ST6GALNAC3: variants seen among roughly 807,000 people sequenced by gnomAD.
The protein encoded by ST6GALNAC3 is ST6 N-acetylgalactosaminide alpha-2,6-sialyltransferase 3, also known as alpha-N-acetylgalactosaminide alpha-2,6-sialyltransferase 3.
Under a neutral mutation model 32.7 loss-of-function variants are expected in ST6GALNAC3, and 25 were observed. That is an observed-to-expected ratio of 0.76 (90% CI 0.56 to 1.07). The LOEUF (loss-of-function observed/expected upper bound fraction) is 1.07. Among genes scored for constraint, ST6GALNAC3 ranks in the 50% least tolerant of loss-of-function variants. The pLI, the probability that ST6GALNAC3 is intolerant of heterozygous loss-of-function variation, is 0.00. For missense variants in ST6GALNAC3, 355 were observed against 382.4 expected (o/e 0.93, Z 0.60); for synonymous variants, 129 against 133.1 (o/e 0.97, Z 0.21).
At chr1:76,366,393 G>A (rs1650375460) in intron 2 of ST6GALNAC3, among the ~76,000 whole-genome samples, 1 of 152,038 alleles carries the variant, frequency 6.6e-6, no homozygotes, top group South Asian at 2.1e-4. Flanking sequence ...TAGATTCTAA[G>A]TGCAAAAAAT....
chr1:76,157,424 C>G (rs1183445834), intron 1 of ST6GALNAC3, among the ~76,000 whole-genome samples: 1 of 152,176 alleles, frequency 6.6e-6, no homozygotes, highest in Non-Finnish European at 1.5e-5. Flanking sequence ...GTAGCAGTAT[C>G]AAAATTGTTA....
chr1:76,215,361 A>G (rs567250), intron 1 of ST6GALNAC3, among the ~76,000 whole-genome samples: 26,180 of 152,216 alleles, frequency 0.17, 2,396 homozygotes, highest in Middle Eastern at 0.23. Flanking sequence ...TTTAGATTTT[A>G]GCAATAGGAA....
At chr1:76,483,930 T>C (rs935833990) in intron 3 of ST6GALNAC3, among the ~76,000 whole-genome samples, 3 of 152,242 alleles carry the variant, frequency 2.0e-5, no homozygotes, top group African/African-American at 7.2e-5. Flanking sequence ...AGTTTCAGCT[T>C]TCTACATACG....
chr1:76,207,477 C>T (rs1385087687), intron 1 of ST6GALNAC3, among the ~76,000 whole-genome samples: 1 of 152,236 alleles, frequency 6.6e-6, no homozygotes, highest in Non-Finnish European at 1.5e-5. Context: ...AAGAAGTTTA[C>T]TTAGCTCACA....
chr1:76,553,640 G>T (rs1664758138), intron 3 of ST6GALNAC3, among the ~76,000 whole-genome samples: 1 of 151,814 alleles, frequency 6.6e-6, no homozygotes, highest in African/African-American at 2.4e-5. Context: ...AAATGTGTCT[G>T]CTCTTATTCC....
At chr1:76,603,478 A>G (rs902759789) in intron 3 of ST6GALNAC3, among the ~76,000 whole-genome samples, 2 of 152,226 alleles carry the variant, frequency 1.3e-5, no homozygotes, top group Non-Finnish European at 1.5e-5. Flanking sequence ...AGGAATACAT[A>G]CAAAATGATG....
At chr1:76,624,761 G>C (rs901140785) in intron 3 of ST6GALNAC3, among the ~76,000 whole-genome samples, 5 of 151,830 alleles carry the variant, frequency 3.3e-5, no homozygotes, top group African/African-American at 4.8e-5. Context: ...GGGAATCATG[G>C]AGTTCTCCCC....
intron 1 of ST6GALNAC3, among the ~76,000 whole-genome samples, chr1:76,102,149 G>C (rs1647249705): frequency 6.6e-6 from 1 of 151,866 alleles, no homozygotes; most frequent in African/African-American, 2.4e-5. Flanking sequence ...CATATACCTA[G>C]TAAGACTTTC....
intron 1 of ST6GALNAC3, among the ~76,000 whole-genome samples, chr1:76,174,265 A>G (rs1371186938): frequency 6.6e-6 from 1 of 152,190 alleles, no homozygotes. Flanking sequence ...GGAGCTGAAC[A>G]TTGTGAATAC....
intron 1 of ST6GALNAC3, among the ~76,000 whole-genome samples, chr1:76,277,595 TATATATATATATATATAC>T: frequency 4.1e-5 from 2 of 49,128 alleles, no homozygotes; most frequent in East Asian, 2.4e-3. Flanking sequence ...TATGTGTATA[TATATATATATATATATAC>T]ACACACACAC....
intron 1 of ST6GALNAC3, among the ~76,000 whole-genome samples, chr1:76,239,950 G>A (rs921147270): frequency 6.6e-6 from 1 of 152,048 alleles, no homozygotes; most frequent in Non-Finnish European, 1.5e-5. Context: ...CACCTCCCAG[G>A]CACAATGCTT....
intron 3 of ST6GALNAC3, among the ~76,000 whole-genome samples, chr1:76,478,682 G>A (rs1031437716): frequency 6.7e-6 from 1 of 149,142 alleles, no homozygotes; most frequent in African/African-American, 2.5e-5. Flanking sequence ...CCAGTCTTGT[G>A]TTTTCAGATA....
chr1:76,156,877 G>T (rs896602683), intron 1 of ST6GALNAC3, among the ~76,000 whole-genome samples: 1 of 152,138 alleles, frequency 6.6e-6, no homozygotes, highest in Non-Finnish European at 1.5e-5. Context: ...GACTACAGGC[G>T]CCCGCCACCA....
chr1:76,111,122 G>C (rs1030032460), intron 1 of ST6GALNAC3, among the ~76,000 whole-genome samples: 6 of 152,172 alleles, frequency 3.9e-5, no homozygotes, highest in African/African-American at 1.4e-4. Flanking sequence ...TTAGTTTACT[G>C]TGTGTTTTGC....
intron 1 of ST6GALNAC3, among the ~76,000 whole-genome samples, chr1:76,232,942 C>A (rs561956841): frequency 6.6e-6 from 1 of 152,218 alleles, no homozygotes; most frequent in Non-Finnish European, 1.5e-5. Flanking sequence ...GCTTTACCAC[C>A]TAGGAACCAT....
At chr1:76,431,745 C>G (rs1315797023) in intron 3 of ST6GALNAC3, among the ~76,000 whole-genome samples, 1 of 152,018 alleles carries the variant, frequency 6.6e-6, no homozygotes, top group Non-Finnish European at 1.5e-5. Flanking sequence ...ACAACCCTGC[C>G]CCAATATAAA....
intron 1 of ST6GALNAC3, among the ~76,000 whole-genome samples, chr1:76,295,541 G>A (rs1183741700): frequency 6.6e-6 from 1 of 152,072 alleles, no homozygotes; most frequent in Non-Finnish European, 1.5e-5. Flanking sequence ...CTCACTATGT[G>A]CTAGAGGCAT....
chr1:76,532,132 T>A (rs1383140509), intron 3 of ST6GALNAC3, among the ~76,000 whole-genome samples: 1 of 152,188 alleles, frequency 6.6e-6, no homozygotes, highest in Non-Finnish European at 1.5e-5. Context: ...TCTCCTGGAT[T>A]CTTGATTGTT....
In ST6GALNAC3 at chr1:76,168,834, G is replaced by A. The variant is rs148726541; in HGVS notation, c.18+93950G>A. On this transcript the variant is annotated intron_variant, in intron 1 of 4. Transcript: ENST00000328299. ...ATTTTTCTCCATCCCTTTATTTTGA[G>A]CCTATGTGTGTCATTGCATAAGAGA... Among the ~76,000 whole-genome samples, 36 of 151,788 alleles carry A rather than the reference G, an allele frequency of 2.4e-4. No individual in the cohort carries two copies. In the East Asian group the frequency reaches 7.0e-3, roughly 29 times the overall value.
Sources: gnomAD v4.1 joint callset for allele counts (sites outside exome capture counted in the v4.1 genomes callset) on GRCh38, gnomAD v4.1.1 for gene constraint, MANE v1.5 for transcripts, NCBI Gene and HGNC (gene_info 2026-07-23, HGNC 2026-07-21) for gene names.